The following POLR3B variants were observed in gnomAD, a reference collection of about 807,000 sequenced individuals.
The protein encoded by POLR3B is RNA polymerase III subunit B.
In POLR3B, 96 loss-of-function variants were observed where a neutral mutation model predicts 147.4. The ratio of observed to expected loss-of-function variants is 0.65; its 90% CI spans 0.55 to 0.77. The LOEUF (loss-of-function observed/expected upper bound fraction) is 0.77. Among genes scored for constraint, POLR3B ranks in the 30% least tolerant of loss-of-function variants. The probability of loss-of-function intolerance (pLI) is 0.00; values close to 1 mark genes in which losing one functional copy is unlikely to be tolerated. For synonymous variants in POLR3B, 461 were observed against 485.9 expected (o/e 0.95, Z 0.67); for missense variants, 1,036 against 1,413.5 (o/e 0.73, Z 4.28).
chr12:106,374,683 A>AT (rs1308310596), intron 6 of POLR3B, among the ~76,000 whole-genome samples: 1 of 151,656 alleles, frequency 6.6e-6, no homozygotes, highest in Non-Finnish European at 1.5e-5. Context: ...CCCAGCCAAT[A>AT]TTTTTTGTAT....
In POLR3B at chr12:106,509,486, C is replaced by G; in HGVS notation, c.3339C>G (p.Leu1113=). The part of the protein sequence containing the change: ...SLRIPYACKL[L]FQELQSMNII... ...GTATTCCGTATGCCTGCAAGCTGCTCTTCCAGGAACTACAGTCTATGAACA... is the reference window on the plus strand; with the variant it reads ...GTATTCCGTATGCCTGCAAGCTGCTGTTCCAGGAACTACAGTCTATGAACA... Residue 1113 remains leucine (L), a synonymous_variant, in exon 28 of 28, where the codon CTC becomes CTG. Transcript: ENST00000228347. 1 of 1,613,298 alleles carries G rather than the reference C, an allele frequency of 6.2e-7. No individual in the cohort carries two copies. The highest frequency in any genetic ancestry group is 8.5e-7 in the Non-Finnish European group (1 of 1,179,258).
intron 9 of POLR3B, among the ~76,000 whole-genome samples, chr12:106,383,117 C>T (rs1456558558): frequency 6.6e-6 from 1 of 152,206 alleles, no homozygotes; most frequent in African/African-American, 2.4e-5. Context: ...TAGTTTCCAA[C>T]TTTTCTTCTG....
rs1006010297 is a variant in POLR3B at position 106,509,337 on chromosome 12, T to C, written c.3273-83T>C. On this transcript the variant is annotated intron_variant, in intron 27 of 27. Coordinates refer to ENST00000228347, the MANE Select transcript of POLR3B (RefSeq NM_018082.6). ...ATTTGATAGAATGATAATAGAACTT[T>C]ATAGAGACCATTCTCACTTCCTACG... 8 of 1,371,220 alleles carry C rather than the reference T, an allele frequency of 5.8e-6. No homozygotes were observed. In the African/African-American group the frequency reaches 7.1e-5, roughly 12 times the overall value. The allele number at this position is 1,371,220 out of a possible 1,614,324, so 84.9% of individuals were successfully genotyped here. A position where few individuals can be genotyped will look rare whatever the true frequency, so the allele number is the denominator to read the frequency against.
chr12:106,463,395 C>T (rs2037965557), intron 22 of POLR3B, 83 bp from the exon 23 acceptor site: 8 of 1,184,718 alleles, frequency 6.8e-6, no homozygotes. Flanking sequence ...CTATGGTAGG[C>T]ATGAAATGAA....
At chr12:106,491,202 A>G (rs888135457) in intron 23 of POLR3B, among the ~76,000 whole-genome samples, 3 of 152,170 alleles carry the variant, frequency 2.0e-5, no homozygotes, top group African/African-American at 4.8e-5. Flanking sequence ...TTCTAACACA[A>G]TTGCTTCATG....
intron 9 of POLR3B, among the ~76,000 whole-genome samples, chr12:106,386,464 T>C (rs1416079338): frequency 6.6e-6 from 1 of 152,012 alleles, no homozygotes; most frequent in Non-Finnish European, 1.5e-5. Flanking sequence ...CACTTGAAGA[T>C]GCATAGTACT....
intron 10 of POLR3B, among the ~76,000 whole-genome samples, chr12:106,401,104 A>G (rs1472186142): frequency 2.6e-5 from 4 of 152,184 alleles, no homozygotes; most frequent in Non-Finnish European, 5.9e-5. Flanking sequence ...ATAAAAGAGA[A>G]GAATCAAATA....
Position 106,380,194 on chromosome 12 carries a change from A to G in POLR3B, c.723+55A>G, listed in dbSNP as rs907336189. The G allele has an allele frequency of 1.9e-5, 19 of 993,898 alleles. No homozygotes were observed. The African/African-American group carries it at 2.2e-4, about 12-fold the overall frequency. 61.6% of individuals were successfully genotyped at this position (993,898 alleles called of 1,614,324 possible). A position where few individuals can be genotyped will look rare whatever the true frequency, so the allele number is the denominator to read the frequency against. Reference sequence around the variant, plus strand: ...TAAGAATTCTTTCTCTGGTTTATTTACATATGTAATTAGAGATTTGGAGGG... The same window carrying G: ...TAAGAATTCTTTCTCTGGTTTATTTGCATATGTAATTAGAGATTTGGAGGG... On this transcript the variant is annotated intron_variant, in intron 9 of 27. Transcript: ENST00000228347.
At chr12:106,370,826 T>G (rs1467413834) in intron 6 of POLR3B, among the ~76,000 whole-genome samples, 1 of 152,024 alleles carries the variant, frequency 6.6e-6, no homozygotes, top group Non-Finnish European at 1.5e-5. Flanking sequence ...GAGATGGGGT[T>G]TTGCCATGTT....
intron 14 of POLR3B, among the ~76,000 whole-genome samples, chr12:106,431,360 C>T (rs936937104): frequency 1.1e-4 from 16 of 152,084 alleles, no homozygotes; most frequent in Non-Finnish European, 2.1e-4. Flanking sequence ...TTTCATTTCC[C>T]AGAGATTGCT....
At chr12:106,450,157 C>T (rs956580968) in intron 19 of POLR3B, among the ~76,000 whole-genome samples, 13 of 151,960 alleles carry the variant, frequency 8.6e-5, no homozygotes, top group African/African-American at 2.2e-4. Context: ...GTCTTTTCAA[C>T]AAAATAAATA....
chr12:106,504,438 C>T lies in POLR3B; in HGVS notation c.3272+184C>T, dbSNP rs1325642706. On this transcript the variant is annotated intron_variant, in intron 27 of 27. Coordinates refer to ENST00000228347, the MANE Select transcript of POLR3B (RefSeq NM_018082.6). This position sits in a 1 kb window ranked among gnomAD's most constrained non-coding sequence, Gnocchi z 4.6. ...GTGTACATGTCTCATTTGTCTACAT[C>T]ATGATCTACTTCCTACACAACTAGA... 6.6e-6 allele frequency among the ~76,000 whole-genome samples: 1 copy of T among 152,208 alleles called. No homozygotes were observed. The highest frequency in any genetic ancestry group is 1.5e-5 in the Non-Finnish European group (1 of 68,046).
chr12:106,497,086 A>G (rs1310825819), intron 25 of POLR3B, among the ~76,000 whole-genome samples, 168 bp downstream of exon 25: 1 of 151,426 alleles, frequency 6.6e-6, no homozygotes, highest in Admixed American at 6.6e-5. Flanking sequence ...ACAAATTCGT[A>G]AACTTTTTTT....
In POLR3B at chr12:106,388,493, T is replaced by C. The variant is rs531010176; in HGVS notation, c.724-4538T>C. 3.9e-5 allele frequency among the ~76,000 whole-genome samples: 6 copies of C among 152,246 alleles called. No individual in the cohort carries two copies. The South Asian group carries it at 1.0e-3, about 26-fold the overall frequency. ...CCACCACGCCCAGCTAATTTTTGTA[T>C]CTTTAGTAGAGACGGGGTTTCTCCA... On this transcript the variant is annotated intron_variant, in intron 9 of 27. Transcript: ENST00000228347.
chr12:106,429,618 TA>T (rs2037482201), intron 13 of POLR3B, among the ~76,000 whole-genome samples: 1 of 152,100 alleles, frequency 6.6e-6, no homozygotes, highest in Admixed American at 6.6e-5. Flanking sequence ...GAAGATAAAG[TA>T]AATTTAATGT....
intron 10 of POLR3B, among the ~76,000 whole-genome samples, chr12:106,399,073 T>A (rs1565884199): frequency 6.6e-6 from 1 of 151,902 alleles, no homozygotes; most frequent in Non-Finnish European, 1.5e-5. Context: ...GCAAAGAAGT[T>A]AAAAACTGAA....
intron 18 of POLR3B, among the ~76,000 whole-genome samples, chr12:106,438,468 C>CGT (rs1565896744): frequency 1.3e-5 from 2 of 150,486 alleles, no homozygotes; most frequent in Non-Finnish European, 3.0e-5. Flanking sequence ...GATAGATAAC[C>CGT]ATATATATAT....
intron 27 of POLR3B, among the ~76,000 whole-genome samples, chr12:106,505,041 A>T (rs2038664190): frequency 1.3e-5 from 2 of 152,232 alleles, no homozygotes; most frequent in South Asian, 4.1e-4. Context: ...CATTTGTAGG[A>T]TTGCCAATAA....
intron 22 of POLR3B, among the ~76,000 whole-genome samples, chr12:106,459,784 T>C (rs1240201512): frequency 6.6e-6 from 1 of 152,218 alleles, no homozygotes; most frequent in Non-Finnish European, 1.5e-5. Context: ...TACTAGAACA[T>C]AGCCCAGCTC....
Sources: allele counts gnomAD v4.1 joint callset (sites outside exome capture counted in the v4.1 genomes callset), GRCh38; gene constraint gnomAD v4.1.1; non-coding constraint Gnocchi (gnomAD v3.1); transcripts MANE v1.5; gene names NCBI Gene and HGNC (gene_info 2026-07-23, HGNC 2026-07-21).